GRXCR1: variants seen among roughly 807,000 people sequenced by gnomAD.
GRXCR1 encodes glutaredoxin domain-containing cysteine-rich protein 1.
Under a neutral mutation model 27.3 loss-of-function variants are expected in GRXCR1, and 27 were observed. The observed-to-expected ratio is 0.99, with a 90% CI of 0.73 to 1.37. GRXCR1 has a LOEUF of 1.37. GRXCR1 is among the 40% of genes most tolerant of loss of function. GRXCR1 has a pLI of 0.00. For synonymous variants in GRXCR1, 122 were observed against 131.1 expected, an observed-to-expected ratio of 0.93 and a Z score of 0.47; for missense variants, 379 against 354.4, an observed-to-expected ratio of 1.07 and a Z score of -0.56.
intron 2 of GRXCR1, among the ~76,000 whole-genome samples, chr4:42,999,240 C>T (rs1472541642): frequency 2.0e-5 from 3 of 152,292 alleles, no homozygotes; most frequent in South Asian, 4.1e-4. Flanking sequence ...AAATTCAGCT[C>T]ATTTCTGGTT....
At chr4:42,979,492 G>A (rs1316491495) in intron 2 of GRXCR1, among the ~76,000 whole-genome samples, 1 of 151,868 alleles carries the variant, frequency 6.6e-6, no homozygotes, top group Admixed American at 6.6e-5. Context: ...TTCTCCTTGG[G>A]AAGAATCTCA....
At chr4:42,898,358 A>C (rs1346828517) in intron 1 of GRXCR1, among the ~76,000 whole-genome samples, 2 of 152,042 alleles carry the variant, frequency 1.3e-5, no homozygotes, top group Admixed American at 1.3e-4. Flanking sequence ...CGTTTGATTA[A>C]AGTGTCATGA....
intron 2 of GRXCR1, among the ~76,000 whole-genome samples, chr4:43,016,213 A>G (rs75324457): frequency 0.03 from 4,604 of 152,218 alleles, 74 homozygotes; most frequent in African/African-American, 0.037. Flanking sequence ...ATCAACCCAA[A>G]CTGCTATGCA....
intron 2 of GRXCR1, among the ~76,000 whole-genome samples, chr4:42,985,725 A>G (rs997216892): frequency 1.3e-5 from 2 of 152,148 alleles, no homozygotes; most frequent in African/African-American, 4.8e-5. Context: ...TATGTAGGTT[A>G]TAAACAAAGT....
intron 2 of GRXCR1, among the ~76,000 whole-genome samples, chr4:42,967,466 C>T (rs535285281): frequency 1.3e-5 from 2 of 151,100 alleles, no homozygotes; most frequent in Non-Finnish European, 2.9e-5. Flanking sequence ...GGAAATATTT[C>T]TTTTATATCT....
At chr4:42,921,639 T>C (rs1174425064) in intron 1 of GRXCR1, among the ~76,000 whole-genome samples, 1 of 152,100 alleles carries the variant, frequency 6.6e-6, no homozygotes. Flanking sequence ...ATTTAAAAAA[T>C]GGATGGTTTT....
intron 1 of GRXCR1, among the ~76,000 whole-genome samples, chr4:42,898,247 T>A (rs1306995620): frequency 7.5e-6 from 1 of 134,128 alleles, no homozygotes; most frequent in Non-Finnish European, 1.7e-5. Context: ...TTATTGAACA[T>A]TTGATCTTCA....
At chr4:42,902,215 C>T (rs936202583) in intron 1 of GRXCR1, among the ~76,000 whole-genome samples, 7 of 152,160 alleles carry the variant, frequency 4.6e-5, no homozygotes, top group South Asian at 2.1e-4. Flanking sequence ...AGATTAAGCA[C>T]CCCTAATGAA....
chr4:42,915,188 G>A (rs956138301), intron 1 of GRXCR1, among the ~76,000 whole-genome samples: 16 of 152,054 alleles, frequency 1.1e-4, no homozygotes, highest in African/African-American at 2.4e-4. Flanking sequence ...GTAAACCTGC[G>A]GTAAACCTTG....
intron 1 of GRXCR1, among the ~76,000 whole-genome samples, chr4:42,924,609 T>A (rs1476503703): frequency 1.3e-5 from 2 of 152,108 alleles, no homozygotes; most frequent in Non-Finnish European, 2.9e-5. Flanking sequence ...CAAAAATGTT[T>A]GGAAGACCCA....
intron 1 of GRXCR1, among the ~76,000 whole-genome samples, chr4:42,903,527 T>A (rs569107234): frequency 1.4e-5 from 2 of 147,170 alleles, no homozygotes; most frequent in Non-Finnish European, 3.0e-5. Context: ...TTAGCCAGGA[T>A]GGTCTCTATC....
At chr4:42,924,520 G>A (rs1292866356) in intron 1 of GRXCR1, among the ~76,000 whole-genome samples, 1 of 152,014 alleles carries the variant, frequency 6.6e-6, no homozygotes, top group African/African-American at 2.4e-5. Flanking sequence ...TTGCAGCTCA[G>A]GACTTTCTAA....
intron 2 of GRXCR1, among the ~76,000 whole-genome samples, chr4:42,964,440 T>A (rs1372630794): frequency 1.3e-5 from 2 of 152,024 alleles, no homozygotes; most frequent in Non-Finnish European, 2.9e-5. Flanking sequence ...TTCTCATTTG[T>A]AAAATGGGAA....
At chr4:42,968,411 T>G (rs1011090975) in intron 2 of GRXCR1, among the ~76,000 whole-genome samples, 1 of 152,158 alleles carries the variant, frequency 6.6e-6, no homozygotes, top group Non-Finnish European at 1.5e-5. Flanking sequence ...GCTAGATGAC[T>G]ATAACAGTTA....
chr4:43,001,558 TG>T (rs762292167), intron 2 of GRXCR1, among the ~76,000 whole-genome samples: 9 of 151,916 alleles, frequency 5.9e-5, no homozygotes, highest in Non-Finnish European at 1.2e-4. Context: ...TAAAAACACA[TG>T]TCCTCGGTGT....
intron 2 of GRXCR1, among the ~76,000 whole-genome samples, chr4:43,008,959 C>A (rs547811823): frequency 6.6e-6 from 1 of 152,200 alleles, no homozygotes; most frequent in Non-Finnish European, 1.5e-5. Context: ...TTTGTCATTG[C>A]GCAACCTTCC....
chr4:43,002,254 C>T (rs978350448), intron 2 of GRXCR1, among the ~76,000 whole-genome samples: 3 of 152,248 alleles, frequency 2.0e-5, no homozygotes, highest in Admixed American at 6.5e-5. Flanking sequence ...TCTCATCCCA[C>T]GAGGCCATAT....
At position 42,903,532 on chromosome 4, in the gene GRXCR1, T is replaced by C. The variant is rs551562689; in HGVS notation, c.384+9882T>C. Reference sequence around the variant, plus strand: ...TTTAACCATGTTAGCCAGGATGGTCTCTATCTCCAGACCTTGTGATCCGCC... The same window carrying C: ...TTTAACCATGTTAGCCAGGATGGTCCCTATCTCCAGACCTTGTGATCCGCC... On this transcript the variant is annotated intron_variant, in intron 1 of 3. Coordinates refer to ENST00000399770, the MANE Select transcript of GRXCR1 (RefSeq NM_001080476.3). Among the ~76,000 whole-genome samples the C allele has an allele frequency of 3.3e-4, 48 of 147,384 alleles. 2 individuals carry two copies. The highest frequency in any genetic ancestry group is 5.9e-4 in the Non-Finnish European group (40 of 67,270).
intron 1 of GRXCR1, among the ~76,000 whole-genome samples, chr4:42,899,475 T>G (rs1167129710): frequency 6.6e-6 from 1 of 152,160 alleles, no homozygotes; most frequent in African/African-American, 2.4e-5. Context: ...TCTGCTTTCT[T>G]GTTGGTTTAC....
Sources: allele counts gnomAD v4.1 joint callset (sites outside exome capture counted in the v4.1 genomes callset), GRCh38; gene constraint gnomAD v4.1.1; transcripts MANE v1.5; gene names NCBI Gene and HGNC (gene_info 2026-07-23, HGNC 2026-07-21).